SLC38A12: variants seen among roughly 807,000 people sequenced by gnomAD.
SLC38A12 encodes solute carrier family 38 member 12.
At chr17:74,833,645 A>G in the SLC38A12 span, among the ~76,000 whole-genome samples, 5 of 152,312 alleles carry the variant, frequency 3.3e-5, no homozygotes, top group African/African-American at 1.2e-4. Context: ...TCACGTCCAG[A>G]CAGCTGACCT....
At chr17:74,826,408 G>A in the SLC38A12 span, among the ~76,000 whole-genome samples, 2 of 152,194 alleles carry the variant, frequency 1.3e-5, no homozygotes, top group African/African-American at 4.8e-5. Flanking sequence ...GCTTGTTTCA[G>A]CACTCTCCTC....
chr17:74,789,281 G>A, the SLC38A12 span, among the ~76,000 whole-genome samples: 1 of 152,180 alleles, frequency 6.6e-6, no homozygotes, highest in African/African-American at 2.4e-5. Context: ...TGTAATCCCA[G>A]CACTTTGGGA....
At chr17:74,816,677 G>A in the SLC38A12 span, among the ~76,000 whole-genome samples, 25 of 150,390 alleles carry the variant, frequency 1.7e-4, no homozygotes, top group South Asian at 4.3e-4. Flanking sequence ...TTCTTTTTTC[G>A]TTTTTTTTTG....
the SLC38A12 span, among the ~76,000 whole-genome samples, chr17:74,780,300 G>A: frequency 4.6e-5 from 7 of 152,344 alleles, no homozygotes; most frequent in African/African-American, 1.4e-4. Flanking sequence ...TCATGAGTGA[G>A]GCTGCTGGGT....
At chr17:74,806,461 C>G in the SLC38A12 span, among the ~76,000 whole-genome samples, 2 of 152,254 alleles carry the variant, frequency 1.3e-5, no homozygotes, top group East Asian at 3.9e-4. Flanking sequence ...GTAGAGAGAT[C>G]TCAAAAACTA....
chr17:74,779,497 G>A, the SLC38A12 span, among the ~76,000 whole-genome samples: 74 of 152,294 alleles, frequency 4.9e-4, 2 homozygotes, highest in East Asian at 0.012. Flanking sequence ...AGTGGTCAGT[G>A]TTCTGAGGGG....
At chr17:74,811,147 T>C in the SLC38A12 span, among the ~76,000 whole-genome samples, 1 of 152,006 alleles carries the variant, frequency 6.6e-6, no homozygotes, top group Admixed American at 6.5e-5. Flanking sequence ...CTGGGCAATA[T>C]GGTAAGACCC....
At chr17:74,823,738 G>C in the SLC38A12 span, among the ~76,000 whole-genome samples, 1 of 152,224 alleles carries the variant, frequency 6.6e-6, no homozygotes, top group African/African-American at 2.4e-5. Flanking sequence ...GGTGGCCACC[G>C]CAGATTCCTG....
chr17:74,806,760 G>A, the SLC38A12 span, among the ~76,000 whole-genome samples: 2 of 152,192 alleles, frequency 1.3e-5, no homozygotes, highest in East Asian at 1.9e-4. Context: ...CCGATAGGAT[G>A]GGAATGAAAT....
the SLC38A12 span, among the ~76,000 whole-genome samples, chr17:74,803,283 C>G: frequency 2.0e-4 from 31 of 152,300 alleles, no homozygotes; most frequent in South Asian, 6.2e-3. Flanking sequence ...CCCCAAAGCC[C>G]GGTTGATGTT....
At chr17:74,819,974 T>G in the SLC38A12 span, 1 of 753,612 alleles carries the variant, frequency 1.3e-6, no homozygotes, top group Non-Finnish European at 2.2e-6. Context: ...CTCAGGCCTG[T>G]CTGGTCCTCC....
At chr17:74,796,590 T>C in the SLC38A12 span, among the ~76,000 whole-genome samples, 8 of 152,270 alleles carry the variant, frequency 5.3e-5, no homozygotes, top group Admixed American at 2.6e-4. Context: ...GCAGCCGTGC[T>C]GTAGGAGCCC....
the SLC38A12 span, chr17:74,777,574 TA>T: frequency 6.6e-7 from 1 of 1,522,668 alleles, no homozygotes; most frequent in South Asian, 1.2e-5. Flanking sequence ...ATTCTCTTTT[TA>T]AGGTGTTTGT....
chr17:74,787,256 G>A, the SLC38A12 span, among the ~76,000 whole-genome samples: 7 of 152,006 alleles, frequency 4.6e-5, no homozygotes, highest in Non-Finnish European at 1.0e-4. Flanking sequence ...TGAGCAGTCA[G>A]CCCCCCAACC....
chr17:74,777,205 C>G, the SLC38A12 span: 5 of 1,089,814 alleles, frequency 4.6e-6, no homozygotes, highest in Non-Finnish European at 7.0e-6. Flanking sequence ...AGTCTGCAAG[C>G]CTCCTCCCAC....
chr17:74,809,809 G>C, the SLC38A12 span, among the ~76,000 whole-genome samples: 2 of 152,154 alleles, frequency 1.3e-5, no homozygotes, highest in Non-Finnish European at 2.9e-5. Flanking sequence ...CATTCTTCCA[G>C]GTTCCCCAGC....
At chr17:74,800,921 C>T in the SLC38A12 span, among the ~76,000 whole-genome samples, 1 of 152,198 alleles carries the variant, frequency 6.6e-6, no homozygotes, top group Non-Finnish European at 1.5e-5. Context: ...GAATGCAGGA[C>T]CCTCAGCCCA....
At chr17:74,777,063 C>G in the SLC38A12 span, among the ~76,000 whole-genome samples, 8 of 152,200 alleles carry the variant, frequency 5.3e-5, no homozygotes, top group African/African-American at 1.9e-4. Context: ...GTGCCCTGCA[C>G]AGCAAGGGAA....
chr17:74,795,469 C>T, the SLC38A12 span: 1 of 1,536,976 alleles, frequency 6.5e-7, no homozygotes. Context: ...CTGTCTCCCC[C>T]AGCCCAGCCA....
Sources: gnomAD v4.1 joint callset for allele counts (sites outside exome capture counted in the v4.1 genomes callset) on GRCh38, gnomAD v4.1.1 for gene constraint, MANE v1.5 for transcripts, NCBI Gene and HGNC (gene_info 2026-07-23, HGNC 2026-07-21) for gene names.